GPR137C: variants seen among roughly 807,000 people sequenced by gnomAD.
GPR137C encodes G protein-coupled receptor 137C.
A neutral mutation model predicts 43.4 loss-of-function variants in GPR137C; 27 were observed. The observed-to-expected ratio is 0.62, with a 90% CI of 0.46 to 0.86. The LOEUF (loss-of-function observed/expected upper bound fraction) is 0.86. Among genes scored for constraint, GPR137C ranks in the 40% least tolerant of loss-of-function variants. The pLI is 0.00. For missense variants in GPR137C, 522 were observed against 534.6 expected (o/e 0.98, Z 0.23); for synonymous variants, 285 against 226.9 (o/e 1.26, Z -2.30).
chr14:52,554,715 A>G (rs556432092), intron 1 of GPR137C, among the ~76,000 whole-genome samples: 2 of 36,566 alleles, frequency 5.5e-5, no homozygotes, highest in South Asian at 2.1e-3. Context: ...AGCAAAAGTA[A>G]AAAAAAAAAA....
chr14:52,569,317 A>T (rs1005753165), intron 1 of GPR137C, among the ~76,000 whole-genome samples: 3 of 152,120 alleles, frequency 2.0e-5, no homozygotes, highest in Non-Finnish European at 2.9e-5. Context: ...AGGTAGGTAA[A>T]TCCATGAAGA....
intron 3 of GPR137C, among the ~76,000 whole-genome samples, chr14:52,628,333 A>T (rs1016764221): frequency 6.6e-6 from 1 of 152,236 alleles, no homozygotes; most frequent in Non-Finnish European, 1.5e-5. Context: ...ACTCCATTTC[A>T]TACCATACAC....
chr14:52,575,926 C>A (rs538807875), intron 1 of GPR137C, among the ~76,000 whole-genome samples: 1 of 152,304 alleles, frequency 6.6e-6, no homozygotes, highest in South Asian at 2.1e-4. Flanking sequence ...TGGAGTCTTA[C>A]AGATAGAGCT....
chr14:52,586,028 C>A (rs2038709280), intron 1 of GPR137C, among the ~76,000 whole-genome samples: 2 of 152,046 alleles, frequency 1.3e-5, no homozygotes, highest in Admixed American at 6.6e-5. Flanking sequence ...AGAGAAAACC[C>A]TGAAATAAAA....
chr14:52,624,270 A>G (rs2039195231), intron 3 of GPR137C, among the ~76,000 whole-genome samples: 1 of 151,640 alleles, frequency 6.6e-6, no homozygotes. Context: ...AAACTGAAGG[A>G]TAATGAAATA....
At chr14:52,601,554 T>C (rs1444311201) in intron 3 of GPR137C, among the ~76,000 whole-genome samples, 2 of 151,912 alleles carry the variant, frequency 1.3e-5, no homozygotes, top group Middle Eastern at 6.8e-3. Context: ...AATCAGACTT[T>C]CAAACTTATT....
intron 3 of GPR137C, among the ~76,000 whole-genome samples, chr14:52,626,993 T>A (rs117459351): frequency 5.3e-5 from 8 of 152,306 alleles, no homozygotes; most frequent in Non-Finnish European, 1.2e-4. Flanking sequence ...AGATATACCA[T>A]GTTCGTGGAT....
At chr14:52,627,546 A>C (rs950379686) in intron 3 of GPR137C, among the ~76,000 whole-genome samples, 2 of 151,718 alleles carry the variant, frequency 1.3e-5, no homozygotes, top group Non-Finnish European at 2.9e-5. Flanking sequence ...GATGATCTAA[A>C]TATTTAAAGT....
At chr14:52,629,885 G>A (rs955031220) in intron 3 of GPR137C, among the ~76,000 whole-genome samples, 3 of 152,180 alleles carry the variant, frequency 2.0e-5, no homozygotes, top group Admixed American at 1.3e-4. Context: ...TAGGAGTGAG[G>A]TGTAACTCTT....
intron 1 of GPR137C, among the ~76,000 whole-genome samples, chr14:52,587,288 A>G (rs1227905866): frequency 6.6e-6 from 1 of 152,212 alleles, no homozygotes; most frequent in African/African-American, 2.4e-5. Flanking sequence ...TAATGCAAGG[A>G]TAAAAAGAGT....
At chr14:52,597,549 C>G (rs2038871136) in intron 1 of GPR137C, among the ~76,000 whole-genome samples, 1 of 152,168 alleles carries the variant, frequency 6.6e-6, no homozygotes, top group South Asian at 2.1e-4. Context: ...AGCCTGTACA[C>G]TAATGTCAGA....
chr14:52,582,662 T>C (rs965844858), intron 1 of GPR137C, among the ~76,000 whole-genome samples: 3 of 152,062 alleles, frequency 2.0e-5, no homozygotes, highest in African/African-American at 7.2e-5. Context: ...GGTGTGTTGG[T>C]GTGCACCTGT....
intron 1 of GPR137C, among the ~76,000 whole-genome samples, chr14:52,555,382 G>T: frequency 6.6e-6 from 1 of 152,024 alleles, no homozygotes; most frequent in Non-Finnish European, 1.5e-5. Context: ...ATACACCCAT[G>T]TTACCACCAC....
intron 1 of GPR137C, among the ~76,000 whole-genome samples, chr14:52,586,345 C>G (rs778064453): frequency 9.2e-5 from 14 of 152,200 alleles, no homozygotes; most frequent in Non-Finnish European, 2.1e-4. Context: ...TCAGTCTGTA[C>G]TCACTGCTTC....
At chr14:52,588,129 G>C (rs949383057) in intron 1 of GPR137C, among the ~76,000 whole-genome samples, 12 of 152,150 alleles carry the variant, frequency 7.9e-5, no homozygotes, top group Admixed American at 2.0e-4. Flanking sequence ...ACTTTAACCA[G>C]TTGATTAAAG....
chr14:52,624,262 A>G (rs367823901), intron 3 of GPR137C, among the ~76,000 whole-genome samples: 1 of 151,604 alleles, frequency 6.6e-6, no homozygotes, highest in African/African-American at 2.4e-5. Flanking sequence ...AAGATTTCAA[A>G]CTGAAGGATA....
At chr14:52,570,384 G>A (rs1016831742) in intron 1 of GPR137C, among the ~76,000 whole-genome samples, 2 of 152,182 alleles carry the variant, frequency 1.3e-5, no homozygotes, top group African/African-American at 4.8e-5. Context: ...AGCAGCCACT[G>A]CAAAAACATA....
chr14:52,553,593 T>G lies in GPR137C; in HGVS notation c.444+2T>G. 4 of 1,523,742 alleles carry G rather than the reference T, an allele frequency of 2.6e-6. No individual in the cohort carries two copies. The highest frequency in any genetic ancestry group is 1.2e-5 in the South Asian group (1 of 81,594). 94.4% of individuals were successfully genotyped at this position (1,523,742 alleles called of 1,614,324 possible). ...CTCCTCAACCTCTACCTGGCGGAGG[T>G]AAGGCGGGAGGGCCGGCATGCGGGG... is the stretch of plus-strand genomic sequence containing the variant. On this transcript the variant is annotated splice_donor_variant, in intron 1 of 6. Coordinates refer to ENST00000321662, the MANE Select transcript of GPR137C (RefSeq NM_001099652.2). LOFTEE classifies it high-confidence loss of function.
intron 1 of GPR137C, among the ~76,000 whole-genome samples, chr14:52,566,405 T>C (rs2038370918): frequency 6.6e-6 from 1 of 152,224 alleles, no homozygotes; most frequent in South Asian, 2.1e-4. Flanking sequence ...GAATATAAAC[T>C]TTTATCCCTT....
Sources: gnomAD v4.1 joint callset for allele counts (sites outside exome capture counted in the v4.1 genomes callset) on GRCh38, gnomAD v4.1.1 for gene constraint, MANE v1.5 for transcripts, NCBI Gene and HGNC (gene_info 2026-07-23, HGNC 2026-07-21) for gene names.